The following SEMA6D variants were observed in gnomAD, a reference collection of about 807,000 sequenced individuals.
SEMA6D encodes the protein semaphorin-6D.
Under a neutral mutation model 106.6 loss-of-function variants are expected in SEMA6D, and 35 were observed. The observed-to-expected ratio is 0.33, with a 90% confidence interval of 0.25 to 0.44. The LOEUF is 0.44. Ranked by LOEUF, SEMA6D falls within the 20% of genes least tolerant of loss-of-function variation. The pLI, the probability that SEMA6D is intolerant of heterozygous loss-of-function variation, is 1.00. For synonymous variants in SEMA6D, 499 were observed against 487.7 expected (o/e 1.02, Z -0.31); for missense variants, 1,185 against 1,345.9 (o/e 0.88, Z 1.87).
At chr15:47,650,697 G>A (rs1168460051) in intron 4 of SEMA6D, among the ~76,000 whole-genome samples, 1 of 152,146 alleles carries the variant, frequency 6.6e-6, no homozygotes, top group African/African-American at 2.4e-5. Flanking sequence ...ATAGGAAAAT[G>A]CAGATTAAAG....
chr15:47,452,751 G>C (rs1458313774), intron 2 of SEMA6D, among the ~76,000 whole-genome samples: 1 of 151,620 alleles, frequency 6.6e-6, no homozygotes, highest in African/African-American at 2.4e-5. Flanking sequence ...CTTCTCTTTG[G>C]CACATTTTGG....
intron 3 of SEMA6D, among the ~76,000 whole-genome samples, chr15:47,576,943 G>A (rs544983569): frequency 9.7e-4 from 148 of 152,270 alleles, no homozygotes; most frequent in African/African-American, 3.4e-3. Flanking sequence ...TGTACCTACA[G>A]AAATACATCT....
intron 4 of SEMA6D, chr15:47,603,887 T>A (rs2076718126): frequency 1.3e-5 from 2 of 152,228 alleles, no homozygotes; most frequent in African/African-American, 2.4e-5. Flanking sequence ...TTATTTCTTT[T>A]CTGTTTTTCC....
intron 3 of SEMA6D, among the ~76,000 whole-genome samples, chr15:47,550,699 G>C (rs2045659662): frequency 1.3e-5 from 2 of 152,122 alleles, no homozygotes; most frequent in South Asian, 4.1e-4. Context: ...TGTCATAGCA[G>C]TTCCTTTTTC....
intron 1 of SEMA6D, among the ~76,000 whole-genome samples, chr15:47,197,170 T>A (rs1894417582): frequency 6.6e-6 from 1 of 152,186 alleles, no homozygotes; most frequent in Non-Finnish European, 1.5e-5. Flanking sequence ...CAAGAACAGT[T>A]GTTCTTCCCT....
At chr15:47,352,507 G>T (rs917926492) in intron 1 of SEMA6D, among the ~76,000 whole-genome samples, 3 of 152,194 alleles carry the variant, frequency 2.0e-5, no homozygotes, top group Non-Finnish European at 4.4e-5. Context: ...CCCATCAGAA[G>T]GATGGATGTA....
At chr15:47,273,864 C>G (rs928226336) in intron 1 of SEMA6D, among the ~76,000 whole-genome samples, 2 of 152,194 alleles carry the variant, frequency 1.3e-5, no homozygotes, top group Non-Finnish European at 2.9e-5. Context: ...AATTGACTGT[C>G]AGTGGAAAAT....
At chr15:47,409,900 G>A (rs532702149) in intron 1 of SEMA6D, among the ~76,000 whole-genome samples, 1 of 151,448 alleles carries the variant, frequency 6.6e-6, no homozygotes, top group Non-Finnish European at 1.5e-5. Context: ...TCGGGGTTGT[G>A]GGGGGGGTGG....
intron 1 of SEMA6D, among the ~76,000 whole-genome samples, chr15:47,221,940 C>A (rs62013973): frequency 0.012 from 1,852 of 152,082 alleles, 42 homozygotes; most frequent in Admixed American, 0.013. Context: ...ATATTTTCTG[C>A]AGTGGGGTCC....
chr15:47,280,363 C>T (rs1048067095), intron 1 of SEMA6D, among the ~76,000 whole-genome samples: 44 of 151,338 alleles, frequency 2.9e-4, no homozygotes, highest in African/African-American at 8.5e-4. Flanking sequence ...TCTGTGGGAT[C>T]GGTGGTGATA....
At chr15:47,472,123 C>T (rs1315684388) in intron 3 of SEMA6D, among the ~76,000 whole-genome samples, 5 of 152,218 alleles carry the variant, frequency 3.3e-5, no homozygotes, top group East Asian at 1.9e-4. Flanking sequence ...ATAGGAGCCA[C>T]GCAGGACAGC....
At chr15:47,260,944 T>C (rs1008802668) in intron 1 of SEMA6D, among the ~76,000 whole-genome samples, 4 of 152,066 alleles carry the variant, frequency 2.6e-5, no homozygotes, top group African/African-American at 9.7e-5. Context: ...GCTTTTTCTG[T>C]TGGGAGGAGG....
At chr15:47,421,150 T>C (rs545147475) in intron 2 of SEMA6D, among the ~76,000 whole-genome samples, 2 of 152,242 alleles carry the variant, frequency 1.3e-5, no homozygotes, top group East Asian at 3.9e-4. Flanking sequence ...ACCTGTACCA[T>C]TGGTTATTTC....
chr15:47,659,341 A>T (rs932153515), intron 4 of SEMA6D, among the ~76,000 whole-genome samples: 1 of 151,922 alleles, frequency 6.6e-6, no homozygotes, highest in African/African-American at 2.4e-5. Context: ...ATTAAAATCA[A>T]TGAAGATACA....
At chr15:47,589,530 T>G (rs1718689130) in intron 3 of SEMA6D, among the ~76,000 whole-genome samples, 1 of 152,262 alleles carries the variant, frequency 6.6e-6, no homozygotes, top group Admixed American at 6.5e-5. Flanking sequence ...CATGTTTCTC[T>G]TCCTCTTTCA....
intron 10 of SEMA6D, 45 bp downstream of exon 10, chr15:47,764,112 TGTCAGAACCAA>T: frequency 6.2e-7 from 1 of 1,612,930 alleles, no homozygotes; most frequent in Non-Finnish European, 8.5e-7. Context: ...TCTGCATGCC[TGTCAGAACCAA>T]GACAGGCTTC....
At chr15:47,461,350 A>C (rs954708273) in intron 2 of SEMA6D, among the ~76,000 whole-genome samples, 2 of 151,260 alleles carry the variant, frequency 1.3e-5, no homozygotes, top group Non-Finnish European at 2.9e-5. Context: ...CCACACACAC[A>C]CTCTTGAATG....
intron 2 of SEMA6D, among the ~76,000 whole-genome samples, chr15:47,438,489 ACT>A (rs992498125): frequency 2.6e-5 from 4 of 151,838 alleles, no homozygotes; most frequent in African/African-American, 9.7e-5. Flanking sequence ...ATGAGATTTG[ACT>A]CTTTGTTACC....
At chr15:47,763,289 C>G (rs1387183964) in intron 9 of SEMA6D, among the ~76,000 whole-genome samples, 185 bp downstream of exon 9, 1 of 152,108 alleles carries the variant, frequency 6.6e-6, no homozygotes, top group Non-Finnish European at 1.5e-5. Context: ...GAACAATAAC[C>G]TGAGTGGGAA....
Sources: gnomAD v4.1 joint callset for allele counts (sites outside exome capture counted in the v4.1 genomes callset) on GRCh38, gnomAD v4.1.1 for gene constraint, MANE v1.5 for transcripts, NCBI Gene and HGNC (gene_info 2026-07-23, HGNC 2026-07-21) for gene names.